Variants in SPATA1 observed in about 807,000 individuals in gnomAD.
SPATA1 encodes spermatogenesis-associated protein 1.
SPATA1 carries 57 observed loss-of-function variants against 59.6 expected under a neutral mutation model. The observed-to-expected ratio is 0.96, with a 90% confidence interval of 0.77 to 1.19. The LOEUF is 1.19. Among genes scored for constraint, SPATA1 ranks in the 50% most tolerant of loss-of-function variants. The probability of loss-of-function intolerance (pLI) is 0.00; values close to 1 mark genes in which losing one functional copy is unlikely to be tolerated. For missense variants in SPATA1, 448 were observed against 480.7 expected (o/e 0.93, Z 0.64); for synonymous variants, 147 against 163.9 (o/e 0.90, Z 0.79).
chr1:84,565,987 G>A, exon 5 of SPATA1: 2 of 1,564,976 alleles, frequency 1.3e-6, no homozygotes, highest in South Asian at 1.2e-5. Context: ...TATGTTCTTT[G>A]GAGACCAAGC....
intron 2 of SPATA1, chr1:84,520,199 G>A (rs1682965686): frequency 6.0e-6 from 1 of 167,366 alleles, no homozygotes; most frequent in Non-Finnish European, 1.3e-5. Flanking sequence ...AATATACAAA[G>A]GATAAAGATT....
At chr1:84,555,225 T>G, downstream of SPATA1, 1 of 1,489,986 alleles carries the variant, frequency 6.7e-7, no homozygotes, top group Non-Finnish European at 9.3e-7. Context: ...AAAATGGAGA[T>G]TTTAAAGTAT....
At chr1:84,564,237 T>G (rs72950351) in intron 4 of SPATA1, among the ~76,000 whole-genome samples, 3,164 of 152,300 alleles carry the variant, frequency 0.021, 102 homozygotes, top group African/African-American at 0.072. Context: ...CAGAGTTTCT[T>G]AGAAAGTACA....
intron 4 of SPATA1, among the ~76,000 whole-genome samples, chr1:84,563,043 A>G (rs1684623661): frequency 1.3e-5 from 2 of 152,324 alleles, no homozygotes; most frequent in South Asian, 4.1e-4. Flanking sequence ...TGGCCCAAGC[A>G]GAGTAGATTC....
chr1:84,557,894 A>C (rs996880928), downstream of SPATA1, among the ~76,000 whole-genome samples: 1 of 151,912 alleles, frequency 6.6e-6, no homozygotes, highest in African/African-American at 2.4e-5. Context: ...AGTTATAACT[A>C]GATTTTTTTC....
chr1:84,513,828 C>CT (rs993379382), intron 1 of SPATA1, among the ~76,000 whole-genome samples: 3 of 147,464 alleles, frequency 2.0e-5, no homozygotes, highest in Admixed American at 6.7e-5. Context: ...GATGACTTCT[C>CT]TTTTCTATAT....
intron 4 of SPATA1, among the ~76,000 whole-genome samples, chr1:84,523,304 T>C (rs903657270): frequency 6.6e-6 from 1 of 152,152 alleles, no homozygotes; most frequent in African/African-American, 2.4e-5. Flanking sequence ...AAGTTTCAAA[T>C]CTAACAAGCC....
At chr1:84,509,208 T>TA (rs547069684) in intron 1 of SPATA1, among the ~76,000 whole-genome samples, 7,914 of 134,264 alleles carry the variant, frequency 0.059, 244 homozygotes, top group South Asian at 0.088. Flanking sequence ...GGTACTGGCA[T>TA]AAAAAAAAAA....
At chr1:84,565,794 A>G in intron 4 of SPATA1, 67 bp from the exon 14 acceptor site, 1 of 1,026,012 alleles carries the variant, frequency 9.7e-7, no homozygotes, top group Non-Finnish European at 1.3e-6. Context: ...TTTAATTTAT[A>G]GAATATTATT....
At chr1:84,517,049 C>T (rs1682823888) in intron 2 of SPATA1, among the ~76,000 whole-genome samples, 1 of 152,136 alleles carries the variant, frequency 6.6e-6, no homozygotes, top group Admixed American at 6.6e-5. Context: ...TCCATTATTC[C>T]ACCAAAACTA....
At chr1:84,525,328 GAAATA>G (rs1683172637) in intron 4 of SPATA1, among the ~76,000 whole-genome samples, 3 of 152,158 alleles carry the variant, frequency 2.0e-5, no homozygotes, top group Admixed American at 1.3e-4. Flanking sequence ...GAATATGTAG[GAAATA>G]AAATAAAGTT....
intron 8 of SPATA1, among the ~76,000 whole-genome samples, chr1:84,543,554 G>A (rs1683981481): frequency 6.6e-6 from 1 of 152,006 alleles, no homozygotes. Context: ...TAAATGATCA[G>A]ATCTCACAAG....
At chr1:84,549,947 G>A (rs1209332882) in intron 11 of SPATA1, 2 of 151,360 alleles carry the variant, frequency 1.3e-5, no homozygotes, top group African/African-American at 4.8e-5. Context: ...CACAAAGCCA[G>A]TTTAAAACTC....
chr1:84,563,783 C>A (rs1684637931), intron 4 of SPATA1: 1 of 1,608,744 alleles, frequency 6.2e-7, no homozygotes, highest in Non-Finnish European at 8.5e-7. Context: ...AAGGAACACC[C>A]ATTACAAGTT....
chr1:84,564,702 A>T (rs1320645107), intron 4 of SPATA1, among the ~76,000 whole-genome samples: 1 of 152,126 alleles, frequency 6.6e-6, no homozygotes, highest in Non-Finnish European at 1.5e-5. Context: ...GGGAACCCTC[A>T]ATTAATAATT....
rs1570428677 is a variant in SPATA1 at position 84,533,750 on chromosome 1, GA to G, written c.703del (p.Arg235AspfsTer30). On this transcript the variant is annotated frameshift_variant, in exon 8 of 13. Coordinates refer to ENST00000490879, the Ensembl canonical transcript of SPATA1. LOFTEE classifies it high-confidence loss of function. ...AATGAAGATGATACAGCTATCAGTA[GA>G]AGACAGGACAATCAGGTACTATTTA... 2 of 1,564,328 alleles carry G rather than the reference GA, an allele frequency of 1.3e-6. No homozygotes were observed.
chr1:84,523,272 A>C (rs1683097706), intron 4 of SPATA1, among the ~76,000 whole-genome samples: 1 of 152,150 alleles, frequency 6.6e-6, no homozygotes, highest in South Asian at 2.1e-4. Context: ...AGGATACTCT[A>C]AGTAGAGAGT....
At chr1:84,535,018 C>T (rs995039754) in intron 8 of SPATA1, among the ~76,000 whole-genome samples, 11 of 152,086 alleles carry the variant, frequency 7.2e-5, no homozygotes, top group African/African-American at 2.7e-4. Flanking sequence ...TTGAAGAGAA[C>T]CACGAATCTC....
chr1:84,534,985 A>G (rs1398258505), intron 8 of SPATA1, among the ~76,000 whole-genome samples: 4 of 152,128 alleles, frequency 2.6e-5, no homozygotes, highest in Admixed American at 6.5e-5. Flanking sequence ...TCTCAGTGAT[A>G]ATTTTTGTTA....
Sources: allele counts gnomAD v4.1 joint callset (sites outside exome capture counted in the v4.1 genomes callset), GRCh38; gene constraint gnomAD v4.1.1; transcripts MANE v1.5; gene names NCBI Gene and HGNC (gene_info 2026-07-23, HGNC 2026-07-21).